The following PALLD variants were observed in gnomAD, a reference collection of about 807,000 sequenced individuals.
PALLD encodes palladin.
Under a neutral mutation model 123.5 loss-of-function variants are expected in PALLD, and 61 were observed. That is an observed-to-expected ratio of 0.49 (90% CI 0.40 to 0.61). PALLD has a LOEUF of 0.61. Ranked by LOEUF, PALLD falls within the 20% of genes least tolerant of loss-of-function variation. The pLI, the probability that PALLD is intolerant of heterozygous loss-of-function variation, is 0.00. For missense variants in PALLD, 1,273 were observed against 1,377.0 expected, an observed-to-expected ratio of 0.92 and a Z score of 1.20; for synonymous variants, 465 against 496.4, an observed-to-expected ratio of 0.94 and a Z score of 0.84.
At chr4:168,598,268 C>A (rs1258089289) in intron 2 of PALLD, 2 of 416,722 alleles carry the variant, frequency 4.8e-6, no homozygotes, top group South Asian at 2.1e-5. Flanking sequence ...TGATGCCTCA[C>A]CAAAATATTC....
intron 2 of PALLD, among the ~76,000 whole-genome samples, chr4:168,578,514 T>G (rs1380659851): frequency 6.6e-6 from 1 of 152,094 alleles, no homozygotes; most frequent in Non-Finnish European, 1.5e-5. Flanking sequence ...CTGCCATAAT[T>G]GTAAGTTTCC....
intron 2 of PALLD, among the ~76,000 whole-genome samples, chr4:168,658,284 G>GTTTTT (rs755942969): frequency 0.038 from 4,523 of 119,706 alleles, 142 homozygotes; most frequent in Admixed American, 0.056. Context: ...GTTTTTATTT[G>GTTTTT]GTTTTTTTTT....
chr4:168,925,572 A>T (rs1762417684), intron 21 of PALLD, among the ~76,000 whole-genome samples: 1 of 152,222 alleles, frequency 6.6e-6, no homozygotes, highest in Admixed American at 6.5e-5. Context: ...TTAAGCAGCC[A>T]GCAGTAGACT....
chr4:168,856,540 G>A (rs951279754), intron 10 of PALLD, among the ~76,000 whole-genome samples: 1 of 152,156 alleles, frequency 6.6e-6, no homozygotes, highest in African/African-American at 2.4e-5. Flanking sequence ...TAGCCATTCT[G>A]ACTGGTGTGA....
chr4:168,795,102 CT>C, intron 10 of PALLD, among the ~76,000 whole-genome samples: 1 of 152,148 alleles, frequency 6.6e-6, no homozygotes, highest in Non-Finnish European at 1.5e-5. Flanking sequence ...GAGTTCCACC[CT>C]TGTGACCTAA....
intron 2 of PALLD, among the ~76,000 whole-genome samples, chr4:168,600,499 A>G (rs1772532390): frequency 2.0e-5 from 3 of 152,138 alleles, no homozygotes; most frequent in Admixed American, 6.5e-5. Flanking sequence ...AATAAATGAA[A>G]ATATTTGAGA....
intron 2 of PALLD, among the ~76,000 whole-genome samples, chr4:168,543,270 TA>T (rs1404323828): frequency 2.0e-5 from 3 of 152,064 alleles, no homozygotes; most frequent in African/African-American, 7.2e-5. Flanking sequence ...AGATAGAAAG[TA>T]ATTAGGATAA....
At chr4:168,512,561 T>C in intron 2 of PALLD, 149 bp downstream of exon 2, 2 of 773,660 alleles carry the variant, frequency 2.6e-6, no homozygotes, top group Non-Finnish European at 2.2e-6. Flanking sequence ...GAATCGCCAC[T>C]ATGAGTTGTC....
chr4:168,686,138 C>T (rs1561397880), intron 6 of PALLD, among the ~76,000 whole-genome samples: 1 of 152,156 alleles, frequency 6.6e-6, no homozygotes, highest in Non-Finnish European at 1.5e-5. Context: ...AAAGCCATGA[C>T]TCCCTGATTA....
At chr4:168,687,191 G>A (rs1782150207) in intron 6 of PALLD, among the ~76,000 whole-genome samples, 1 of 152,082 alleles carries the variant, frequency 6.6e-6, no homozygotes, top group Non-Finnish European at 1.5e-5. Flanking sequence ...CCTTCAGCTG[G>A]TTGAATCCAA....
chr4:168,727,010 GA>G (rs1391342756), intron 10 of PALLD, among the ~76,000 whole-genome samples: 2 of 152,118 alleles, frequency 1.3e-5, no homozygotes, highest in Admixed American at 6.6e-5. Flanking sequence ...ATTTGCTTAG[GA>G]TTATGGCCTC....
chr4:168,668,985 T>C (rs1262648432), intron 3 of PALLD, among the ~76,000 whole-genome samples: 1 of 152,204 alleles, frequency 6.6e-6, no homozygotes, highest in African/African-American at 2.4e-5. Context: ...AGTATTATAT[T>C]TTACATTTTT....
intron 15 of PALLD, among the ~76,000 whole-genome samples, chr4:168,905,517 G>A (rs556119654): frequency 6.6e-6 from 1 of 151,938 alleles, no homozygotes; most frequent in East Asian, 1.9e-4. Context: ...AATATTCCAT[G>A]GTCATATAAA....
At chr4:168,878,814 A>G (rs980146378) in intron 10 of PALLD, among the ~76,000 whole-genome samples, 2 of 152,186 alleles carry the variant, frequency 1.3e-5, no homozygotes, top group Non-Finnish European at 2.9e-5. Context: ...TAGGAGTTAA[A>G]TAAATTGCCC....
intron 10 of PALLD, among the ~76,000 whole-genome samples, chr4:168,804,095 C>T (rs918020369): frequency 3.7e-4 from 57 of 152,182 alleles, no homozygotes; most frequent in African/African-American, 1.4e-3. Flanking sequence ...ATGTTAATGA[C>T]ATAAGTACTG....
intron 10 of PALLD, among the ~76,000 whole-genome samples, chr4:168,800,283 T>G (rs1234918239): frequency 6.6e-6 from 1 of 152,134 alleles, no homozygotes; most frequent in Non-Finnish European, 1.5e-5. Flanking sequence ...TTCTGATCAT[T>G]AAAAGGCACC....
Position 168,512,155 on chromosome 4 carries a change from C to T in PALLD, c.651C>T (p.Ala217=). The change falls in exon 2 of 22, where the codon GCC becomes GCT. Residue 217 remains alanine, a synonymous_variant. Transcript: ENST00000505667. ...PKNQPSALLS[A]SASQSPMEDQ... Reference sequence around the variant, plus strand: ...ATCAGCCGTCAGCCCTGCTGAGTGCCTCAGCCAGCCAGAGCCCTATGGAAG... The same window carrying T: ...ATCAGCCGTCAGCCCTGCTGAGTGCTTCAGCCAGCCAGAGCCCTATGGAAG... 6.2e-7 allele frequency: 1 copy of T among 1,614,204 alleles called. No homozygotes were observed. Among genetic ancestry groups the T allele is most frequent in the Non-Finnish European group, 8.5e-7 (1 of 1,180,036 alleles).
rs1761830085 is a variant in PALLD at position 168,922,744 on chromosome 4, C to T, written c.3058+1003C>T. Among the ~76,000 whole-genome samples the T allele has an allele frequency of 2.0e-5, 3 of 152,196 alleles. No homozygotes were observed. In the South Asian group the frequency reaches 6.2e-4, roughly 31 times the overall value. ...TTGTACAAAGTACTCTATATTCTTA[C>T]ATGCTACAATTGATTTCATTCCTCT... On this transcript the variant is annotated intron_variant, in intron 18 of 21. Coordinates refer to ENST00000505667, the MANE Select transcript of PALLD (RefSeq NM_001166108.2).
At chr4:168,563,677 T>C (rs376089461) in intron 2 of PALLD, among the ~76,000 whole-genome samples, 3 of 152,202 alleles carry the variant, frequency 2.0e-5, no homozygotes, top group East Asian at 1.9e-4. Flanking sequence ...CCTATTTATA[T>C]ATATAATGCA....
Sources: gnomAD v4.1 joint callset for allele counts (sites outside exome capture counted in the v4.1 genomes callset) on GRCh38, gnomAD v4.1.1 for gene constraint, MANE v1.5 for transcripts, NCBI Gene and HGNC (gene_info 2026-07-23, HGNC 2026-07-21) for gene names.